Variants in PPM1A observed in about 807,000 individuals in gnomAD.
PPM1A encodes the protein protein phosphatase, Mg2+/Mn2+ dependent 1A, also known as protein phosphatase 1A.
A neutral mutation model predicts 35.0 loss-of-function variants in PPM1A; 7 were observed. That is an observed-to-expected ratio of 0.20 (90% CI 0.11 to 0.38). The LOEUF (loss-of-function observed/expected upper bound fraction) is 0.38, where lower values mean the gene tolerates loss of function less well. Among genes scored for constraint, PPM1A ranks in the 10% least tolerant of loss-of-function variants. PPM1A has a pLI of 1.00. For synonymous variants in PPM1A, 153 were observed against 167.3 expected (o/e 0.91, Z 0.66); for missense variants, 239 against 467.8 (o/e 0.51, Z 4.51).
chr14:60,286,589 G>T, intron 3 of PPM1A: 1 of 985,196 alleles, frequency 1.0e-6, no homozygotes, highest in Non-Finnish European at 1.2e-6. Context: ...TCGTTAATTT[G>T]CACGTTAAAG....
At chr14:60,246,647 A>G (rs997809807), upstream of PPM1A, among the ~76,000 whole-genome samples, 4 of 152,092 alleles carry the variant, frequency 2.6e-5, no homozygotes, top group African/African-American at 7.2e-5. Flanking sequence ...TTCCCCTTCT[A>G]TCTGTCCCCC....
chr14:60,256,499 T>C (rs1474733006), intron 1 of PPM1A, among the ~76,000 whole-genome samples: 2 of 152,190 alleles, frequency 1.3e-5, no homozygotes, highest in African/African-American at 4.8e-5. Flanking sequence ...GATAATTTCA[T>C]ATAGTCAGTC....
intron 1 of PPM1A, among the ~76,000 whole-genome samples, chr14:60,258,093 G>A (rs966866879): frequency 5.3e-5 from 8 of 151,866 alleles, no homozygotes; most frequent in Admixed American, 2.0e-4. Flanking sequence ...CTCTTTCTGC[G>A]TAAATGCTTC....
In PPM1A at chr14:60,249,317, G is replaced by C. The variant is rs1882028794; in HGVS notation, c.-381G>C. 4.1e-6 allele frequency: 4 copies of C among 980,618 alleles called. No homozygotes were observed. Among genetic ancestry groups the C allele is most frequent in the Non-Finnish European group, 4.8e-6 (4 of 828,186 alleles). The allele number at this position is 980,618 out of a possible 1,614,324, so 60.7% of individuals were successfully genotyped here. ...GGCGCTCGTCCGGCCCGCAGCTTCG[G>C]GTCCTCAGGCGGCTGTTGCTCCGGA... On this transcript the variant is annotated 5_prime_UTR_variant, in exon 1 of 6. Transcript: ENST00000395076. This position sits in a 1 kb window ranked among gnomAD's most constrained non-coding sequence, Gnocchi z 4.5.
chr14:60,284,797 T>G (rs1365096944), intron 2 of PPM1A, among the ~76,000 whole-genome samples: 1 of 151,190 alleles, frequency 6.6e-6, no homozygotes, highest in Non-Finnish European at 1.5e-5. Context: ...ATAAATGACG[T>G]GTACAGGGTT....
At chr14:60,277,886 A>T (rs2139496383) in intron 1 of PPM1A, among the ~76,000 whole-genome samples, 1 of 152,316 alleles carries the variant, frequency 6.6e-6, no homozygotes, top group African/African-American at 2.4e-5. Context: ...GTAGGTGTGA[A>T]GTGTCTTAAG....
At chr14:60,262,296 C>T (rs950251265) in intron 1 of PPM1A, among the ~76,000 whole-genome samples, 1 of 152,192 alleles carries the variant, frequency 6.6e-6, no homozygotes, top group Non-Finnish European at 1.5e-5. Context: ...GGCTAATCTA[C>T]AGGACTGAGC....
rs1888253456 is a variant in PPM1A, at chr14:60,298,808, G to T, written c.*6326G>T. The T allele has an allele frequency of 6.6e-6, 1 of 151,804 alleles. No individual in the cohort carries two copies. The highest frequency in any genetic ancestry group is 1.5e-5 in the Non-Finnish European group (1 of 67,760). The allele number at this position is 151,804 out of a possible 1,614,324, so 9.4% of individuals were successfully genotyped here. A position where few individuals can be genotyped will look rare whatever the true frequency, so the allele number is the denominator to read the frequency against. On this transcript the variant is annotated 3_prime_UTR_variant, in exon 6 of 6. Transcript: ENST00000395076. ...GAAATATTTTTCTTAAATACAATGT[G>T]TAACAAAATTCTCCGTAGCAACTCA... is the stretch of plus-strand genomic sequence containing the variant.
intron 1 of PPM1A, among the ~76,000 whole-genome samples, chr14:60,270,786 A>G (rs1313625594): frequency 2.4e-4 from 37 of 152,230 alleles, no homozygotes; most frequent in Admixed American, 2.4e-3. Flanking sequence ...ATTTTGTCCT[A>G]TTAACCTGTT....
rs892241394 is a variant in PPM1A at position 60,294,462 on chromosome 14, A to G, written c.*1980A>G. 6.6e-6 allele frequency: 1 copy of G among 151,950 alleles called. No homozygotes were observed. The highest frequency in any genetic ancestry group is 1.9e-4 in the East Asian group (1 of 5,202). The allele number at this position is 151,950 out of a possible 1,614,324, so 9.4% of individuals were successfully genotyped here. A position where few individuals can be genotyped will look rare whatever the true frequency, so the allele number is the denominator to read the frequency against. On this transcript the variant is annotated 3_prime_UTR_variant, in exon 6 of 6. Transcript: ENST00000395076. The stretch of plus-strand genomic sequence containing the variant: ...TAATGTTCTAAGTTATGGCTTTGCA[A>G]GCATCTAAATGTGCATTTAATGAAT...
Position 60,249,495 on chromosome 14 carries a change from C to T in PPM1A, c.-203C>T. On this transcript the variant is annotated 5_prime_UTR_variant, in exon 1 of 6. Transcript: ENST00000395076. The surrounding 1 kb of genome is among the most constrained non-coding windows in gnomAD (Gnocchi z 4.5). ...TCTGAGCCGCGAGGGCGCCGACAGC[C>T]GGGGGCCCGGACGCAGCCCGGCTCC... 1 of 985,226 alleles carries T rather than the reference C, an allele frequency of 1.0e-6. No individual in the cohort carries two copies. The highest frequency in any genetic ancestry group is 1.2e-6 in the Non-Finnish European group (1 of 829,982). 61.0% of individuals were successfully genotyped at this position (985,226 alleles called of 1,614,324 possible).
At position 60,249,596 on chromosome 14, in the gene PPM1A, C is replaced by CGCCGCCGCGGTGACCCCCTCCCCGGCT. The variant is rs1882078163; in HGVS notation, c.-93_-67dup. 1.7e-5 allele frequency: 17 copies of CGCCGCCGCGGTGACCCCCTCCCCGGCT among 987,502 alleles called. No individual in the cohort carries two copies. The highest frequency in any genetic ancestry group is 2.0e-5 in the Non-Finnish European group (17 of 831,844). 61.2% of individuals were successfully genotyped at this position (987,502 alleles called of 1,614,324 possible). On this transcript the variant is annotated 5_prime_UTR_variant, in exon 1 of 6. Transcript: ENST00000395076. This position sits in a 1 kb window ranked among gnomAD's most constrained non-coding sequence, Gnocchi z 4.5. ...TGACCCCTCCCCCGGCTGCCGCCGT[C>CGCCGCCGCGGTGACCCCCTCCCCGGCT]GCCGCCGCGGTGACCCCCTCCCCGG... is the stretch of plus-strand genomic sequence containing the variant.
rs1156787789 is a variant in PPM1A at position 60,273,219 on chromosome 14, T to G, written c.-20-9465T>G. Among the ~76,000 whole-genome samples the G allele has an allele frequency of 6.6e-6, 1 of 152,184 alleles. No individual in the cohort carries two copies. Among genetic ancestry groups the G allele is most frequent in the Non-Finnish European group, 1.5e-5 (1 of 68,040 alleles). On this transcript the variant is annotated intron_variant, in intron 1 of 5. Coordinates refer to ENST00000395076, the MANE Select transcript of PPM1A (RefSeq NM_021003.5). The surrounding 1 kb of genome is among the most constrained non-coding windows in gnomAD (Gnocchi z 4.3). Reference sequence around the variant, plus strand: ...AATGATTTACTGTATACTCTGTGCTTGGGGAGTTGACCTAGGGAACTCAAA... The same window carrying G: ...AATGATTTACTGTATACTCTGTGCTGGGGGAGTTGACCTAGGGAACTCAAA...
At chr14:60,271,128 C>T (rs1595315977) in intron 1 of PPM1A, among the ~76,000 whole-genome samples, 1 of 152,190 alleles carries the variant, frequency 6.6e-6, no homozygotes, top group Non-Finnish European at 1.5e-5. Context: ...GGCTGTCAGC[C>T]TCATCACTTG....
At chr14:60,285,535 A>G in intron 2 of PPM1A, 89 bp from the exon 3 acceptor site, 3 of 1,325,032 alleles carry the variant, frequency 2.3e-6, no homozygotes, top group Non-Finnish European at 3.2e-6. Flanking sequence ...TAGAACAAGT[A>G]TAACTGTAAT....
Position 60,282,845 on chromosome 14 carries a change from A to C in PPM1A, c.142A>C (p.Ser48Arg). The C allele has an allele frequency of 6.2e-7, 1 of 1,614,250 alleles. No homozygotes were observed. Among genetic ancestry groups the C allele is most frequent in the Non-Finnish European group, 8.5e-7 (1 of 1,180,048 alleles). ...ACATACGGCTGTGATCGGTTTGCCAAGTGGACTTGAATCGTGGTCATTCTT... is the reference window on the plus strand; with the variant it reads ...ACATACGGCTGTGATCGGTTTGCCACGTGGACTTGAATCGTGGTCATTCTT... ...DAHTAVIGLP[S>R]GLESWSFFAV... Residue 48 changes from serine (S) to arginine (R), a missense_variant, in exon 2 of 6, where the codon AGT becomes CGT. Around this residue, in one of 2 missense-constraint regions of PPM1A, gnomAD observed 175 missense variants for 389.2 expected, o/e 0.45. Coordinates refer to ENST00000395076, the MANE Select transcript of PPM1A (RefSeq NM_021003.5). The surrounding 1 kb of genome is among the most constrained non-coding windows in gnomAD (Gnocchi z 5.1).
At chr14:60,269,366 GTCT>G (rs1276196768) in intron 1 of PPM1A, among the ~76,000 whole-genome samples, 1 of 151,818 alleles carries the variant, frequency 6.6e-6, no homozygotes, top group Admixed American at 6.6e-5. Flanking sequence ...ATTTGATCAT[GTCT>G]TCTTCATGTC....
upstream of PPM1A, among the ~76,000 whole-genome samples, chr14:60,247,806 A>C (rs1881886635): frequency 6.6e-6 from 1 of 152,150 alleles, no homozygotes; most frequent in Non-Finnish European, 1.5e-5. Flanking sequence ...AAAATGGTTT[A>C]GGAGATAGAA....
Position 60,289,765 on chromosome 14 carries a change from A to G in PPM1A, c.953-41A>G, listed in dbSNP as rs770057012. 1.5e-6 allele frequency: 2 copies of G among 1,339,820 alleles called. No homozygotes were observed. Among genetic ancestry groups the G allele is most frequent in the Non-Finnish European group, 2.1e-6 (2 of 944,416 alleles). 83.0% of individuals were successfully genotyped at this position (1,339,820 alleles called of 1,614,324 possible). On this transcript the variant is annotated intron_variant, in intron 3 of 5. Coordinates refer to ENST00000395076, the MANE Select transcript of PPM1A (RefSeq NM_021003.5). The surrounding 1 kb of genome is among the most constrained non-coding windows in gnomAD (Gnocchi z 4.1). ...TTGTTTCGGTTTTCTTTTCAATTAAATTTGGATAACACTTACAAAAAAAGT... is the reference window on the plus strand; with the variant it reads ...TTGTTTCGGTTTTCTTTTCAATTAAGTTTGGATAACACTTACAAAAAAAGT...
Sources: gnomAD v4.1 joint callset for allele counts (sites outside exome capture counted in the v4.1 genomes callset) on GRCh38, gnomAD v4.1.1 for gene constraint, gnomAD v4.1.1 regional missense constraint, Gnocchi (gnomAD v3.1) non-coding constraint, MANE v1.5 for transcripts, NCBI Gene and HGNC (gene_info 2026-07-23, HGNC 2026-07-21) for gene names.